The following ARAP1 variants were observed in gnomAD, a reference collection of about 807,000 sequenced individuals.
ARAP1 encodes arf-GAP with Rho-GAP domain, ANK repeat and PH domain-containing protein 1.
A neutral mutation model predicts 172.2 loss-of-function variants in ARAP1; 76 were observed. The ratio of observed to expected loss-of-function variants is 0.44; its 90% CI spans 0.37 to 0.53. ARAP1 has a LOEUF of 0.53. Among genes scored for constraint, ARAP1 ranks in the 20% least tolerant of loss-of-function variants. The probability of loss-of-function intolerance (pLI) is 0.00; values close to 1 mark genes in which losing one functional copy is unlikely to be tolerated. For synonymous variants in ARAP1, 804 were observed against 803.3 expected, an observed-to-expected ratio of 1.00 and a Z score of -0.01; for missense variants, 1,686 against 1,977.5, an observed-to-expected ratio of 0.85 and a Z score of 2.80.
Position 72,713,199 on chromosome 11 carries a change from GGGCCCCC to G in ARAP1, c.717_723del (p.Gly240GlnfsTer4), listed in dbSNP as rs1565222257. The G allele has an allele frequency of 6.2e-7, 1 of 1,613,780 alleles. No individual in the cohort carries two copies. The highest frequency in any genetic ancestry group is 1.3e-5 in the African/African-American group (1 of 75,034). On this transcript the variant is annotated frameshift_variant, in exon 5 of 35. Coordinates refer to ENST00000393609, the MANE Select transcript of ARAP1 (RefSeq NM_001040118.3). LOFTEE classifies it high-confidence loss of function. ...ACCTTCTTGGTCATCACTCTGGCTG[GGGCCCCC>G]GGCCCCTCCTCTGGGACCTCATCGT...
chr11:72,711,380 G>A, intron 8 of ARAP1, 50 bp downstream of exon 8: 1 of 1,574,524 alleles, frequency 6.4e-7, no homozygotes, highest in Non-Finnish European at 8.7e-7. Context: ...CAGTGTTGGG[G>A]CCAGCCTAGG....
At chr11:72,742,071 G>A (rs1858215322) in intron 1 of ARAP1, among the ~76,000 whole-genome samples, 1 of 152,162 alleles carries the variant, frequency 6.6e-6, no homozygotes, top group Non-Finnish European at 1.5e-5. Flanking sequence ...ACATGGGTGG[G>A]GCCGGGACTA....
intron 14 of ARAP1, chr11:72,703,799 G>A: frequency 3.4e-6 from 1 of 295,674 alleles, no homozygotes; most frequent in Non-Finnish European, 6.5e-6. Flanking sequence ...GGTCAGAGCA[G>A]CCCAGCTGTT....
rs566488640 is a variant in ARAP1, at chr11:72,697,732, C to A, written c.2738-83G>T. On this transcript the variant is annotated intron_variant, in intron 19 of 34. Coordinates refer to ENST00000393609, the MANE Select transcript of ARAP1 (RefSeq NM_001040118.3). ...CCCTCCCTCTGTGAGCACACACACA[C>A]CCTTGAGACCCGCCCACCAATGTAT... The A allele has an allele frequency of 1.9e-5, 30 of 1,576,282 alleles. No individual in the cohort carries two copies. In the African/African-American group the frequency reaches 3.8e-4, roughly 20 times the overall value.
At chr11:72,702,131 A>G (rs990770237) in intron 15 of ARAP1, among the ~76,000 whole-genome samples, 1 of 152,246 alleles carries the variant, frequency 6.6e-6, no homozygotes, top group African/African-American at 2.4e-5. Flanking sequence ...ATCCCTGGAA[A>G]GAGGATTGTC....
At chr11:72,742,481 T>G (rs1433170280) in intron 1 of ARAP1, among the ~76,000 whole-genome samples, 1 of 152,078 alleles carries the variant, frequency 6.6e-6, no homozygotes, top group East Asian at 1.9e-4. Flanking sequence ...TCAAGGGTCC[T>G]CTCAAGGGGA....
At chr11:72,694,864 C>T (rs1027546541) in intron 27 of ARAP1, 116 bp downstream of exon 27, 6 of 847,028 alleles carry the variant, frequency 7.1e-6, no homozygotes, top group Admixed American at 7.0e-5. Context: ...AGCAACATGT[C>T]ATCAAAGCCC....
In ARAP1 at chr11:72,693,344, C is replaced by T. The variant is rs759438644; in HGVS notation, c.3935G>A (p.Arg1312Gln). The change falls in exon 29 of 35, where the codon CGG becomes CAG. Residue 1312 changes from arginine to glutamine, a missense_variant. Arg to Gln is a conservative substitution (Grantham distance 43). This residue lies in a region of ARAP1 where 379 missense variants were observed against 500.1 expected (regional missense o/e 0.76). Coordinates refer to ENST00000393609, the MANE Select transcript of ARAP1 (RefSeq NM_001040118.3). The surrounding 1 kb of genome is among the most constrained non-coding windows in gnomAD (Gnocchi z 4.6). The part of the protein sequence containing the change: ...RYFILNSSCL[R>Q]LYKEVRSQRP... ...ACTTACCCGGACCTCCTTGTAGAGC[C>T]GCAAGCAGCTGCTGTTGAGGATGAA... 2.2e-5 allele frequency: 36 copies of T among 1,613,692 alleles called. No individual in the cohort carries two copies. The highest frequency in any genetic ancestry group is 4.4e-5 in the South Asian group (4 of 91,070).
At chr11:72,714,860 A>G (rs1465210980) in intron 3 of ARAP1, among the ~76,000 whole-genome samples, 1 of 151,336 alleles carries the variant, frequency 6.6e-6, no homozygotes, top group Non-Finnish European at 1.5e-5. Context: ...GTGCCCTCAG[A>G]CTCCTCAAAC....
chr11:72,723,899 C>T (rs952469987), intron 3 of ARAP1, among the ~76,000 whole-genome samples: 1 of 152,346 alleles, frequency 6.6e-6, no homozygotes, highest in African/African-American at 2.4e-5. Flanking sequence ...TGTACACACA[C>T]GTGCACACAC....
At chr11:72,711,308 G>T (rs1461961863) in intron 8 of ARAP1, 122 bp downstream of exon 8, 1 of 1,470,862 alleles carries the variant, frequency 6.8e-7, no homozygotes, top group Non-Finnish European at 9.4e-7. Flanking sequence ...GAGGACATGG[G>T]TTAAGGGGTC....
intron 15 of ARAP1, among the ~76,000 whole-genome samples, chr11:72,702,206 G>C (rs370320977): frequency 4.1e-4 from 62 of 152,252 alleles, no homozygotes; most frequent in East Asian, 1.5e-3. Context: ...TCAGCGCCGT[G>C]GGGGGGCGGT....
rs543445071 is a variant in ARAP1 at position 72,747,430 on chromosome 11, A to G, written c.-128+4898T>C. 1.4e-3 allele frequency among the ~76,000 whole-genome samples: 209 copies of G among 152,250 alleles called. 1 individual carries two copies. Among genetic ancestry groups the G allele is most frequent in the African/African-American group, 4.8e-3 (199 of 41,550 alleles). ...TGACACCCTGCTGTAGCAAAGCCCC[A>G]GCATCCCAACAGGATCAGGTTCCTG... On this transcript the variant is annotated intron_variant, in intron 1 of 34. Transcript: ENST00000393609.
intron 2 of ARAP1, among the ~76,000 whole-genome samples, chr11:72,730,702 C>G (rs1423594118): frequency 6.6e-6 from 1 of 152,120 alleles, no homozygotes; most frequent in Non-Finnish European, 1.5e-5. Context: ...CCCGCCTCCC[C>G]CAAAAACAGA....
intron 3 of ARAP1, among the ~76,000 whole-genome samples, chr11:72,718,560 G>A (rs1411664503): frequency 6.6e-6 from 1 of 151,814 alleles, no homozygotes; most frequent in Non-Finnish European, 1.5e-5. Flanking sequence ...CAACCTCCAA[G>A]ATTCTCCCAC....
At chr11:72,746,988 G>A (rs1359754709) in intron 1 of ARAP1, among the ~76,000 whole-genome samples, 1 of 152,208 alleles carries the variant, frequency 6.6e-6, no homozygotes, top group Non-Finnish European at 1.5e-5. Flanking sequence ...AAAGCTGGCA[G>A]GGGAGACCCT....
chr11:72,693,734 C>G lies in ARAP1; in HGVS notation c.3766G>C (p.Val1256Leu). The G allele has an allele frequency of 6.2e-7, 1 of 1,611,114 alleles. No individual in the cohort carries two copies. The highest frequency in any genetic ancestry group is 8.5e-7 in the Non-Finnish European group (1 of 1,178,662). ...GCCTCCATGGCCTGGTGCTTCTTCA[C>G]CACCAGGTGGCTGTCCGTGCCCAGC... ...HGLGTDSHLV[V>L]KKHQAMEAML... The change falls in exon 28 of 35, where the codon GTG becomes CTG. Residue 1256 changes from valine to leucine, a missense_variant. Coordinates refer to ENST00000393609, the MANE Select transcript of ARAP1 (RefSeq NM_001040118.3). This position sits in a 1 kb window ranked among gnomAD's most constrained non-coding sequence, Gnocchi z 4.6.
intron 30 of ARAP1, 81 bp downstream of exon 30, chr11:72,692,672 G>T: frequency 6.4e-7 from 1 of 1,571,604 alleles, no homozygotes; most frequent in Non-Finnish European, 8.7e-7. Flanking sequence ...AGGAGCCCTG[G>T]CTGTCTCCCC....
intron 13 of ARAP1, chr11:72,705,567 T>C: frequency 2.0e-6 from 1 of 491,484 alleles, no homozygotes; most frequent in Non-Finnish European, 3.6e-6. Context: ...TCTTCCTTTT[T>C]TTTTCTTTAA....
Sources: gnomAD v4.1 joint callset for allele counts (sites outside exome capture counted in the v4.1 genomes callset) on GRCh38, gnomAD v4.1.1 for gene constraint, gnomAD v4.1.1 regional missense constraint, Gnocchi (gnomAD v3.1) non-coding constraint, MANE v1.5 for transcripts, NCBI Gene and HGNC (gene_info 2026-07-23, HGNC 2026-07-21) for gene names.